Variants in IFT140 observed in about 807,000 individuals in gnomAD.
IFT140 encodes the protein intraflagellar transport protein 140 homolog.
Under a neutral mutation model 164.6 loss-of-function variants are expected in IFT140, and 133 were observed. That is an observed-to-expected ratio of 0.81 (90% confidence interval 0.70 to 0.93). The LOEUF (loss-of-function observed/expected upper bound fraction) is 0.93. IFT140 is among the 40% of genes least tolerant of loss of function. The probability of loss-of-function intolerance (pLI) is 0.00; values close to 1 mark genes in which losing one functional copy is unlikely to be tolerated. For missense variants in IFT140, 2,045 were observed against 1,972.3 expected (o/e 1.04, Z -0.70); for synonymous variants, 860 against 817.3 (o/e 1.05, Z -0.89).
rs1168719324 is a variant in IFT140 at position 1,583,331 on chromosome 16, G to C, written c.1415C>G (p.Ala472Gly). The C allele has an allele frequency of 6.2e-7, 1 of 1,614,078 alleles. No individual in the cohort carries two copies. Among genetic ancestry groups the C allele is most frequent in the Admixed American group, 1.7e-5 (1 of 60,018 alleles). Residue 472 changes from alanine to glycine, a missense_variant, in exon 12 of 31, where the codon GCC (alanine) becomes GGC (glycine). By Grantham distance (60) the Ala-to-Gly change is moderately conservative. Coordinates refer to ENST00000426508, the MANE Select transcript of IFT140 (RefSeq NM_014714.4). ...GAACCCACCTGCACTCCGTATCGCG[G>C]CTCCAGAAAGCTCGAAGATCGCCAC... Reference protein sequence around the residue: ...RQVAIFELSGAAIRSAGTFLC... With the variant: ...RQVAIFELSGGAIRSAGTFLC...
At chr16:1,534,574 C>T (rs959490058) in intron 19 of IFT140, 1 of 1,598,978 alleles carries the variant, frequency 6.3e-7, no homozygotes, top group Non-Finnish European at 8.5e-7. Flanking sequence ...AATTGTTTTC[C>T]TGATGCCTTC....
chr16:1,588,425 T>C (rs1423338724), intron 7 of IFT140, among the ~76,000 whole-genome samples: 5 of 151,940 alleles, frequency 3.3e-5, no homozygotes, highest in Non-Finnish European at 7.4e-5. Context: ...CTTGGGAGGC[T>C]GAGACAGGAG....
chr16:1,571,468 C>A lies in IFT140; in HGVS notation c.1591G>T (p.Gly531Trp). The A allele has an allele frequency of 1.2e-6, 2 of 1,614,106 alleles. No individual in the cohort carries two copies. Among genetic ancestry groups the A allele is most frequent in the Non-Finnish European group, 1.7e-6 (2 of 1,179,986 alleles). ...TCTGTCCCTACAACCAGGAAATTCC[C>A]ACAGATGTCCAAGAAGCAGGGATTC... ...EGNPCFLDIC[G>W]NFLVVGTDLA... The change falls in exon 14 of 31, where the codon GGG becomes TGG. Residue 531 changes from glycine to tryptophan, a missense_variant. Coordinates refer to ENST00000426508, the MANE Select transcript of IFT140 (RefSeq NM_014714.4).
intron 4 of IFT140, among the ~76,000 whole-genome samples, chr16:1,592,935 C>T (rs1463187603): frequency 6.7e-6 from 1 of 148,802 alleles, no homozygotes; most frequent in Non-Finnish European, 1.5e-5. Flanking sequence ...GGACAGGTGC[C>T]CCGGCAGAGT....
Position 1,587,229 on chromosome 16 carries a change from A to G in IFT140, c.978T>C (p.Asn326=). Residue 326 remains asparagine (N), a synonymous_variant, in exon 9 of 31, where the codon AAT becomes AAC. Transcript: ENST00000426508. ...CTTTACAGTAACACACACAGTTCAT[A>G]TTCTCTCCTTTCTCAAAGCCAAACT... ...DEKFGFEKGE[N]MNCVCYCKVK... The G allele has an allele frequency of 6.2e-7, 1 of 1,611,688 alleles. No individual in the cohort carries two copies. The highest frequency in any genetic ancestry group is 2.2e-5 in the East Asian group (1 of 44,856).
intron 4 of IFT140, among the ~76,000 whole-genome samples, chr16:1,595,603 G>GA (rs548658471): frequency 0.11 from 9,060 of 82,306 alleles, 585 homozygotes; most frequent in East Asian, 0.35. Context: ...CTCCATCTCA[G>GA]AAAAAAAAAA....
At chr16:1,570,092 C>T (rs1016636497) in intron 14 of IFT140, among the ~76,000 whole-genome samples, 4 of 152,244 alleles carry the variant, frequency 2.6e-5, no homozygotes, top group Middle Eastern at 3.4e-3. Flanking sequence ...TCCTCACTTT[C>T]GGGCAGCACA....
chr16:1,591,993 A>G (rs2035205208), intron 6 of IFT140, among the ~76,000 whole-genome samples, 183 bp downstream of exon 6: 1 of 152,210 alleles, frequency 6.6e-6, no homozygotes, highest in Admixed American at 6.5e-5. Flanking sequence ...CAACATTTCA[A>G]CACTGGATGG....
At chr16:1,593,227 G>A (rs1460577159) in intron 4 of IFT140, among the ~76,000 whole-genome samples, 3 of 152,148 alleles carry the variant, frequency 2.0e-5, no homozygotes. Flanking sequence ...AGTTTTTAAA[G>A]AAAGAACTGG....
At chr16:1,514,176 G>A (rs984802324) in intron 30 of IFT140, 1 of 151,250 alleles carries the variant, frequency 6.6e-6, no homozygotes, top group Admixed American at 6.6e-5. Context: ...AGACCATCCT[G>A]GCTAACACGG....
At chr16:1,596,402 G>C (rs1241828349) in intron 4 of IFT140, among the ~76,000 whole-genome samples, 1 of 152,148 alleles carries the variant, frequency 6.6e-6, no homozygotes, top group African/African-American at 2.4e-5. Flanking sequence ...CGAGCTTCTA[G>C]CTGACCACTT....
intron 15 of IFT140, among the ~76,000 whole-genome samples, chr16:1,566,602 C>T (rs2033731150): frequency 6.6e-6 from 1 of 152,200 alleles, no homozygotes; most frequent in African/African-American, 2.4e-5. Flanking sequence ...GCTGGGATTG[C>T]AGGTGCGGGA....
intron 19 of IFT140, among the ~76,000 whole-genome samples, chr16:1,550,879 C>T (rs2032579160): frequency 6.6e-6 from 1 of 152,236 alleles, no homozygotes; most frequent in South Asian, 2.1e-4. Context: ...AGCGTGGTCC[C>T]CGGCGTGCCA....
At chr16:1,584,832 TTTATA>T (rs1331744287) in intron 10 of IFT140, among the ~76,000 whole-genome samples, 1 of 152,230 alleles carries the variant, frequency 6.6e-6, no homozygotes, top group Non-Finnish European at 1.5e-5. Flanking sequence ...GTTTCATAAT[TTTATA>T]TTAAACTTCT....
chr16:1,571,933 CTCTGGGGGGCCCTG>C (rs964806777), intron 13 of IFT140, among the ~76,000 whole-genome samples: 1 of 152,140 alleles, frequency 6.6e-6, no homozygotes, highest in African/African-American at 2.4e-5. Context: ...CACTGGGGAG[CTCTGGGGGGCCCTG>C]TCTGTGGAGG....
rs781117803 is a variant in IFT140, at chr16:1,564,075, G to C, written c.1989C>G (p.Cys663Trp). 6.2e-7 allele frequency: 1 copy of C among 1,604,182 alleles called. No homozygotes were observed. The highest frequency in any genetic ancestry group is 8.5e-7 in the Non-Finnish European group (1 of 1,172,358). The change falls in exon 17 of 31, where the codon TGC becomes TGG. Residue 663 changes from cysteine (C) to tryptophan (W), a missense_variant. By Grantham distance (215) the Cys-to-Trp change is radical (BLOSUM62 -2). Coordinates refer to ENST00000426508, the MANE Select transcript of IFT140 (RefSeq NM_014714.4). The surrounding 1 kb of genome is among the most constrained non-coding windows in gnomAD (Gnocchi z 5.5). ...AGCGCGGCGTCTCCTGCACGGCTTC[G>C]CATACAAACAGCCGGGGCTCACTCT... The part of the protein sequence containing the change: ...WDQSEPRLFV[C>W]EAVQETPRSQ...
intron 18 of IFT140, among the ~76,000 whole-genome samples, chr16:1,561,055 G>A (rs997456378): frequency 2.0e-5 from 3 of 152,232 alleles, no homozygotes; most frequent in African/African-American, 4.8e-5. Flanking sequence ...ACAGGCCGGC[G>A]CCAGCTGGGA....
intron 4 of IFT140, among the ~76,000 whole-genome samples, chr16:1,598,186 C>T (rs1055118057): frequency 2.0e-5 from 3 of 152,146 alleles, no homozygotes; most frequent in Non-Finnish European, 2.9e-5. Context: ...AAGCCGGGTG[C>T]GGTGGCTCAC....
Position 1,607,713 on chromosome 16 carries a change from G to A in IFT140, c.-31-416C>T, listed in dbSNP as rs989107256. 2.6e-5 allele frequency among the ~76,000 whole-genome samples: 4 copies of A among 152,050 alleles called. No homozygotes were observed. The East Asian group carries it at 5.8e-4, about 22-fold the overall frequency. ...GGCTGGAGTGCAGTGGTGTGATCAC[G>A]GCTCACTGCAGCCTCAAACTCCTGG... On this transcript the variant is annotated intron_variant, in intron 2 of 30. Coordinates refer to ENST00000426508, the MANE Select transcript of IFT140 (RefSeq NM_014714.4).
Sources: gnomAD v4.1 joint callset for allele counts (sites outside exome capture counted in the v4.1 genomes callset) on GRCh38, gnomAD v4.1.1 for gene constraint, Gnocchi (gnomAD v3.1) non-coding constraint, MANE v1.5 for transcripts, NCBI Gene and HGNC (gene_info 2026-07-23, HGNC 2026-07-21) for gene names.